TEX14: variants seen among roughly 807,000 people sequenced by gnomAD.
TEX14 encodes inactive serine/threonine-protein kinase TEX14.
TEX14 carries 168 observed loss-of-function variants against 178.6 expected under a neutral mutation model. The ratio of observed to expected loss-of-function variants is 0.94; its 90% CI spans 0.83 to 1.07. TEX14 has a LOEUF of 1.07. Ranked by LOEUF, TEX14 falls within the 50% of genes least tolerant of loss-of-function variation. The probability of loss-of-function intolerance (pLI) is 0.00; values close to 1 mark genes in which losing one functional copy is unlikely to be tolerated. For synonymous variants in TEX14, 626 were observed against 634.1 expected (o/e 0.99, Z 0.19); for missense variants, 1,730 against 1,753.6 (o/e 0.99, Z 0.24).
At chr17:58,660,713 C>T (rs768120612) in intron 1 of TEX14, 2 of 781,516 alleles carry the variant, frequency 2.6e-6, no homozygotes, top group South Asian at 2.7e-5. Flanking sequence ...AGTGGCTTTT[C>T]TGAATTCTTC....
At chr17:58,646,196 T>C (rs1384998441) in intron 2 of TEX14, among the ~76,000 whole-genome samples, 3 of 152,192 alleles carry the variant, frequency 2.0e-5, no homozygotes, top group African/African-American at 7.2e-5. Flanking sequence ...CCAATCGCTA[T>C]TATAAGTTAA....
chr17:58,602,523 T>C lies in TEX14; in HGVS notation c.1404A>G (p.Leu468=). 3.1e-6 allele frequency: 5 copies of C among 1,614,036 alleles called. No homozygotes were observed. The highest frequency in any genetic ancestry group is 3.4e-6 in the Non-Finnish European group (4 of 1,180,028). Residue 468 remains leucine, a synonymous_variant, in exon 12 of 32, where the codon TTA becomes TTG. Coordinates refer to ENST00000349033, the MANE Select transcript of TEX14 (RefSeq NM_031272.5). ...VKKAVVSGNY[L]EADVRLPKPY... ...GTTTCGGAAGCCTGACATCAGCTTC[T>C]AAATAATTCCCCGAGACTACGGCTT...
intron 22 of TEX14, among the ~76,000 whole-genome samples, chr17:58,573,710 G>A (rs938902222): frequency 6.6e-6 from 1 of 152,068 alleles, no homozygotes; most frequent in East Asian, 1.9e-4. Context: ...GTAGAGATGG[G>A]ATTTTACCAT....
At position 58,666,458 on chromosome 17, in the gene TEX14, C is replaced by CAAAAAAAAAAA. The variant is rs141683264; in HGVS notation, c.-1-14467_-1-14457dup. The CAAAAAAAAAAA allele has an allele frequency of 2.7e-4, 10 of 36,832 alleles. 1 individual carries two copies. The highest frequency in any genetic ancestry group is 3.3e-4 in the Non-Finnish European group (7 of 21,486). 2.3% of individuals were successfully genotyped at this position (36,832 alleles called of 1,614,324 possible). On this transcript the variant is annotated intron_variant, in intron 1 of 31. Transcript: ENST00000349033. ...ACAAAGTGAAACAAACCTTCCACGG[C>CAAAAAAAAAAA]AAAAAAAAAAAAAAAAAAAAAAAAA...
intron 1 of TEX14, among the ~76,000 whole-genome samples, chr17:58,688,608 C>G (rs539504490): frequency 6.6e-6 from 1 of 152,152 alleles, no homozygotes; most frequent in East Asian, 1.9e-4. Flanking sequence ...TGACCAAAAC[C>G]CCAGGAGATA....
intron 3 of TEX14, among the ~76,000 whole-genome samples, chr17:58,627,657 C>G (rs554066931): frequency 3.3e-5 from 5 of 151,314 alleles, no homozygotes; most frequent in African/African-American, 7.3e-5. Context: ...GTAATCCCAG[C>G]TACTCGGGAG....
In TEX14 at chr17:58,559,570, A is replaced by G; in HGVS notation, c.4158-8T>C. ...TCTTTGATATTTGTCTCCCTGTAAC[A>G]ACAATTATTTGGGGAATCAAAACGT... On this transcript the variant is annotated splice_region_variant and splice_polypyrimidine_tract_variant and intron_variant, in intron 29 of 31. Transcript: ENST00000349033. 1 of 1,390,822 alleles carries G rather than the reference A, an allele frequency of 7.2e-7. No individual in the cohort carries two copies. Among genetic ancestry groups the G allele is most frequent in the South Asian group, 1.2e-5 (1 of 84,996 alleles). 86.2% of individuals were successfully genotyped at this position (1,390,822 alleles called of 1,614,324 possible). A position where few individuals can be genotyped will look rare whatever the true frequency, so the allele number is the denominator to read the frequency against.
At chr17:58,621,501 A>G in intron 5 of TEX14, 149 bp downstream of exon 5, 1 of 754,050 alleles carries the variant, frequency 1.3e-6, no homozygotes. Flanking sequence ...CATCAAGGCC[A>G]AGCCTTTTCT....
intron 5 of TEX14, 90 bp downstream of exon 5, chr17:58,621,560 T>C (rs779482056): frequency 1.4e-5 from 19 of 1,356,032 alleles, no homozygotes; most frequent in Non-Finnish European, 1.5e-5. Flanking sequence ...GGCACTGATG[T>C]GGAGGAGCTG....
intron 3 of TEX14, among the ~76,000 whole-genome samples, chr17:58,625,021 C>T (rs1461590635): frequency 6.6e-6 from 1 of 152,222 alleles, no homozygotes; most frequent in African/African-American, 2.4e-5. Flanking sequence ...TCTCCCACTG[C>T]TGGGCAGAGA....
intron 1 of TEX14, chr17:58,666,482 A>G (rs905023962): frequency 6.7e-6 from 1 of 150,098 alleles, no homozygotes; most frequent in African/African-American, 2.4e-5. Flanking sequence ...AAAAAAAAAA[A>G]AAAAAGCAAA....
chr17:58,596,954 G>C (rs944160636), intron 14 of TEX14, among the ~76,000 whole-genome samples: 2 of 152,076 alleles, frequency 1.3e-5, no homozygotes, highest in African/African-American at 4.8e-5. Context: ...TTCTAAGTGA[G>C]GACTGAAGCC....
In TEX14 at chr17:58,584,541, C is replaced by A; in HGVS notation, c.3130G>T (p.Ala1044Ser). ...EQPEHSEAFQ[A>S]SSDTLVAVEK... ...ACAGCCACCAATGTGTCAGAACTTGCTTGGAAGGCTTCACTATGCTCTGGT... is the reference window on the plus strand; with the variant it reads ...ACAGCCACCAATGTGTCAGAACTTGATTGGAAGGCTTCACTATGCTCTGGT... Residue 1044 changes from alanine to serine, a missense_variant, in exon 19 of 32, where the codon GCA becomes TCA. Around this residue, in one of 2 missense-constraint regions of TEX14, gnomAD observed 941 missense variants for 1,072.4 expected, o/e 0.88. Coordinates refer to ENST00000349033, the MANE Select transcript of TEX14 (RefSeq NM_031272.5). The A allele has an allele frequency of 6.2e-7, 1 of 1,614,142 alleles. No homozygotes were observed. The highest frequency in any genetic ancestry group is 8.5e-7 in the Non-Finnish European group (1 of 1,180,006).
In TEX14 at chr17:58,579,710, C is replaced by A; in HGVS notation, c.3193G>T (p.Asp1065Tyr). The A allele has an allele frequency of 1.9e-6, 3 of 1,613,906 alleles. No individual in the cohort carries two copies. Among genetic ancestry groups the A allele is most frequent in the Non-Finnish European group, 2.5e-6 (3 of 1,179,922 alleles). Residue 1065 changes from aspartate (D) to tyrosine (Y), a missense_variant, in exon 20 of 32, where the codon GAC becomes TAC. Around this residue, in one of 2 missense-constraint regions of TEX14, gnomAD observed 941 missense variants for 1,072.4 expected, o/e 0.88. Coordinates refer to ENST00000349033, the MANE Select transcript of TEX14 (RefSeq NM_031272.5). Reference sequence around the variant, plus strand: ...AATGCACCTTGTATTCCTTCAAAGTCCTCTTCTATGGGACTCGAGGTCTAA... The same window carrying A: ...AATGCACCTTGTATTCCTTCAAAGTACTCTTCTATGGGACTCGAGGTCTAA... The part of the protein sequence containing the change: ...SYSTSSPIEE[D>Y]FEGIQGAFAQ...
chr17:58,666,208 TG>T (rs1482479281), intron 1 of TEX14, among the ~76,000 whole-genome samples: 3 of 151,720 alleles, frequency 2.0e-5, no homozygotes, highest in Admixed American at 1.3e-4. Flanking sequence ...CCAGGCATGG[TG>T]GTGCATGCCT....
intron 1 of TEX14, 59 bp from the exon 2 acceptor site, chr17:58,652,061 C>T (rs2046850359): frequency 2.2e-6 from 3 of 1,390,218 alleles, no homozygotes; most frequent in African/African-American, 1.5e-5. Context: ...AAGGAAACAA[C>T]TTAATTCTTT....
intron 1 of TEX14, among the ~76,000 whole-genome samples, chr17:58,687,957 T>C (rs1346282187): frequency 1.3e-5 from 2 of 152,206 alleles, no homozygotes; most frequent in African/African-American, 4.8e-5. Flanking sequence ...ATCTGGCACA[T>C]AACTAGCATT....
intron 1 of TEX14, chr17:58,659,200 T>G: frequency 7.9e-6 from 2 of 253,158 alleles, no homozygotes; most frequent in Non-Finnish European, 1.2e-5. Context: ...TGCAGCCGAG[T>G]TTTCTCATTC....
chr17:58,624,145 G>C (rs113808283), intron 3 of TEX14, among the ~76,000 whole-genome samples: 2 of 151,836 alleles, frequency 1.3e-5, no homozygotes, highest in African/African-American at 2.4e-5. Context: ...TTAGCCGGGC[G>C]TAGGTGGTGC....
Sources: gnomAD v4.1 joint callset for allele counts (sites outside exome capture counted in the v4.1 genomes callset) on GRCh38, gnomAD v4.1.1 for gene constraint, gnomAD v4.1.1 regional missense constraint, MANE v1.5 for transcripts, NCBI Gene and HGNC (gene_info 2026-07-23, HGNC 2026-07-21) for gene names.